Variants in OIT3 observed in about 807,000 individuals in gnomAD.
OIT3 encodes the protein oncoprotein induced transcript 3.
Under a neutral mutation model 52.2 loss-of-function variants are expected in OIT3, and 41 were observed. The observed-to-expected ratio is 0.79, with a 90% CI of 0.61 to 1.02. The LOEUF (loss-of-function observed/expected upper bound fraction) is 1.02, where lower values mean the gene tolerates loss of function less well. Ranked by LOEUF, OIT3 falls within the 50% of genes least tolerant of loss-of-function variation. The pLI is 0.00. For missense variants in OIT3, 634 were observed against 715.5 expected, an observed-to-expected ratio of 0.89 and a Z score of 1.30; for synonymous variants, 244 against 276.9, an observed-to-expected ratio of 0.88 and a Z score of 1.18.
intron 4 of OIT3, among the ~76,000 whole-genome samples, chr10:72,910,245 T>C (rs1176164797): frequency 6.6e-6 from 1 of 152,238 alleles, no homozygotes; most frequent in Non-Finnish European, 1.5e-5. Flanking sequence ...AAAAAAGTGC[T>C]ATTAATGTTC....
chr10:72,906,668 G>C lies in OIT3; in HGVS notation c.617G>C (p.Cys206Ser). ...ICVNLKNSYR[C>S]ECGVGRVLRS... ...GTGAACCTCAAAAACTCCTACCGCT[G>C]TGAGTGTGGGGTTGGCCGTGTGCTA... is the stretch of plus-strand genomic sequence containing the variant. The change falls in exon 4 of 9, where the codon TGT becomes TCT. Residue 206 changes from cysteine to serine, a missense_variant. Transcript: ENST00000334011. 10 of 1,612,072 alleles carry C rather than the reference G, an allele frequency of 6.2e-6. No homozygotes were observed. Among genetic ancestry groups the C allele is most frequent in the Non-Finnish European group, 8.5e-6 (10 of 1,178,990 alleles).
Position 72,898,902 on chromosome 10 carries a change from G to T in OIT3, c.300G>T (p.Val100=), listed in dbSNP as rs1178687444. 3.1e-6 allele frequency: 5 copies of T among 1,614,102 alleles called. No homozygotes were observed. In the Admixed American group the frequency reaches 8.3e-5, roughly 27 times the overall value. Residue 100 remains valine, a synonymous_variant, in exon 2 of 9, where the codon GTG becomes GTT. Coordinates refer to ENST00000334011, the MANE Select transcript of OIT3 (RefSeq NM_152635.3). ...ACCCCCTAGAAGGCGACGGCATTGT[G>T]CAACGCCAGGCTTGTGCCAGCTTCA... ...GSHPLEGDGI[V]QRQACASFNG...
intron 6 of OIT3, among the ~76,000 whole-genome samples, chr10:72,915,025 C>T: frequency 6.6e-6 from 1 of 152,082 alleles, no homozygotes; most frequent in East Asian, 1.9e-4. Context: ...GCCACCATGC[C>T]TGGCTAATTT....
intron 1 of OIT3, among the ~76,000 whole-genome samples, chr10:72,894,222 T>C (rs549793801): frequency 8.5e-5 from 13 of 152,328 alleles, no homozygotes; most frequent in Middle Eastern, 3.4e-3. Context: ...AATTTTTCTT[T>C]AATGAAGGCA....
chr10:72,929,851 T>C (rs147166241), intron 7 of OIT3, among the ~76,000 whole-genome samples: 4,176 of 152,298 alleles, frequency 0.027, 158 homozygotes, highest in Admixed American at 0.091. Flanking sequence ...CCAGGAGTGC[T>C]TCTTTTCCCC....
intron 7 of OIT3, among the ~76,000 whole-genome samples, chr10:72,926,536 T>C (rs552322606): frequency 6.6e-6 from 1 of 152,354 alleles, no homozygotes; most frequent in Non-Finnish European, 1.5e-5. Flanking sequence ...GTCACATCCC[T>C]GCTGAAAACC....
intron 6 of OIT3, among the ~76,000 whole-genome samples, chr10:72,920,780 T>G (rs1046171757): frequency 1.3e-5 from 2 of 152,242 alleles, no homozygotes; most frequent in Non-Finnish European, 2.9e-5. Flanking sequence ...TCGATTGTGC[T>G]GTCATCTGAG....
intron 6 of OIT3, 52 bp downstream of exon 6, chr10:72,913,520 G>T: frequency 7.0e-7 from 1 of 1,425,434 alleles, no homozygotes; most frequent in Non-Finnish European, 9.8e-7. Context: ...CGGTTATTTG[G>T]GAGGCAGTGG....
chr10:72,900,336 G>T, intron 2 of OIT3, 41 bp from the exon 3 acceptor site: 2 of 984,416 alleles, frequency 2.0e-6, no homozygotes, highest in Non-Finnish European at 3.2e-6. Context: ...AGTGTCTTCT[G>T]GTCTCCTGCC....
Position 72,893,854 on chromosome 10 carries a change from C to A in OIT3, c.56C>A (p.Pro19His). The change falls in exon 1 of 9, where the codon CCC becomes CAC. Residue 19 changes from proline (P) to histidine (H), a missense_variant. Pro to His is a moderately conservative substitution (Grantham distance 77). Coordinates refer to ENST00000334011, the MANE Select transcript of OIT3 (RefSeq NM_152635.3). ...CLFITGTSVS[P>H]VALDPCSAYI... ...TTCATCACAGGCACCTCCGTGTCAC[C>A]CGTGGGTGAGTCTCATGTCAAGAAC... The A allele has an allele frequency of 2.5e-6, 4 of 1,608,572 alleles. No individual in the cohort carries two copies. Among genetic ancestry groups the A allele is most frequent in the Non-Finnish European group, 3.4e-6 (4 of 1,177,510 alleles).
intron 6 of OIT3, 119 bp downstream of exon 6, chr10:72,913,587 T>A (rs1284979119): frequency 2.3e-6 from 2 of 851,774 alleles, no homozygotes; most frequent in Non-Finnish European, 3.9e-6. Context: ...ACAAAAGAAC[T>A]GAGCTCAAAA....
rs191663305 is a variant in OIT3 at position 72,916,319 on chromosome 10, C to G, written c.951+2851C>G. 2.1e-3 allele frequency among the ~76,000 whole-genome samples: 321 copies of G among 152,214 alleles called. 1 individual carries two copies. Among genetic ancestry groups the G allele is most frequent in the African/African-American group, 7.6e-3 (315 of 41,528 alleles). ...TAGCTATATTTCCTGCTTCTCTCCC[C>G]CCTCCTACCTTCCACTCTCTGATAG... On this transcript the variant is annotated intron_variant, in intron 6 of 8. Transcript: ENST00000334011.
chr10:72,913,623 C>T (rs767296091), intron 6 of OIT3, 155 bp downstream of exon 6: 45 of 722,258 alleles, frequency 6.2e-5, no homozygotes, highest in Middle Eastern at 4.6e-4. Context: ...TTTTAACCAA[C>T]GTGTTATTGA....
intron 3 of OIT3, among the ~76,000 whole-genome samples, chr10:72,906,010 A>C (rs1845976086): frequency 6.6e-6 from 1 of 152,178 alleles, no homozygotes; most frequent in Non-Finnish European, 1.5e-5. Flanking sequence ...AAAAGCATAG[A>C]CATTTGCTGC....
chr10:72,932,430 G>A lies in OIT3; in HGVS notation c.1544G>A (p.Arg515Gln), dbSNP rs763046737. 8 of 1,614,070 alleles carry A rather than the reference G, an allele frequency of 5.0e-6. No individual in the cohort carries two copies. Among genetic ancestry groups the A allele is most frequent in the African/African-American group, 4.0e-5 (3 of 74,930 alleles). Residue 515 changes from arginine (R) to glutamine (Q), a missense_variant, in exon 9 of 9, where the codon CGG becomes CAG. By Grantham distance (43) the Arg-to-Gln change is conservative. Coordinates refer to ENST00000334011, the MANE Select transcript of OIT3 (RefSeq NM_152635.3). ...ERSRCAQGCHRRMRRGAGGED... is the reference protein window; with the variant it reads ...ERSRCAQGCHQRMRRGAGGED... ...TCCCGCTGTGCCCAGGGTTGCCACCGGCGAATGCGTCGTGGGGCAGGAGGA... is the reference window on the plus strand; with the variant it reads ...TCCCGCTGTGCCCAGGGTTGCCACCAGCGAATGCGTCGTGGGGCAGGAGGA...
At chr10:72,903,177 C>T (rs1306910033) in intron 3 of OIT3, among the ~76,000 whole-genome samples, 1 of 152,070 alleles carries the variant, frequency 6.6e-6, no homozygotes, top group South Asian at 2.1e-4. Context: ...ATAACAGACA[C>T]TCATGTACCT....
intron 6 of OIT3, chr10:72,918,269 A>G: frequency 1.3e-6 from 1 of 794,886 alleles, no homozygotes; most frequent in Non-Finnish European, 2.2e-6. Flanking sequence ...CAAAGCCCCC[A>G]AGAGAAACCG....
intron 7 of OIT3, among the ~76,000 whole-genome samples, chr10:72,929,617 G>A (rs1846198416): frequency 6.6e-6 from 1 of 151,524 alleles, no homozygotes; most frequent in South Asian, 2.1e-4. Context: ...ATGTTGCCCA[G>A]GCTAATCTCG....
chr10:72,924,603 C>A lies in OIT3; in HGVS notation c.1326C>A (p.Ser442=), dbSNP rs1445338884. Residue 442 remains serine (S), a synonymous_variant, in exon 7 of 9, where the codon TCC becomes TCA. Transcript: ENST00000334011. Reference sequence around the variant, plus strand: ...AGAGCTGCTTTGCCACCCCCACCTCCAAGATCGACGAGGTCCTGAAATACT... The same window carrying A: ...AGAGCTGCTTTGCCACCCCCACCTCAAAGATCGACGAGGTCCTGAAATACT... ...LVESCFATPT[S]KIDEVLKYYL... is the part of the protein sequence containing the mutation. 6.2e-7 allele frequency: 1 copy of A among 1,613,832 alleles called. No homozygotes were observed. The highest frequency in any genetic ancestry group is 1.7e-5 in the Admixed American group (1 of 59,990).
Sources: gnomAD v4.1 joint callset for allele counts (sites outside exome capture counted in the v4.1 genomes callset) on GRCh38, gnomAD v4.1.1 for gene constraint, MANE v1.5 for transcripts, NCBI Gene and HGNC (gene_info 2026-07-23, HGNC 2026-07-21) for gene names.